Variants in INPP4A observed in about 807,000 individuals in gnomAD.
INPP4A encodes inositol polyphosphate-4-phosphatase, type I, 107kD.
INPP4A carries 33 observed loss-of-function variants against 119.8 expected under a neutral mutation model. That is an observed-to-expected ratio of 0.28 (90% confidence interval 0.21 to 0.37). INPP4A has a LOEUF of 0.37. INPP4A is among the 10% of genes least tolerant of loss of function. The pLI is 1.00. For missense variants in INPP4A, 956 were observed against 1,289.9 expected (o/e 0.74, Z 3.97); for synonymous variants, 496 against 500.7 (o/e 0.99, Z 0.12).
At chr2:98,473,257 T>C (rs1202135857) in intron 1 of INPP4A, among the ~76,000 whole-genome samples, 1 of 144,952 alleles carries the variant, frequency 6.9e-6, no homozygotes, top group African/African-American at 2.6e-5. Context: ...GTGGGTGCAG[T>C]GTAGAGTGTG....
chr2:98,573,864 C>T lies in INPP4A; in HGVS notation c.2631+937C>T, dbSNP rs565905124. On this transcript the variant is annotated intron_variant, in intron 23 of 24. Transcript: ENST00000409851. ...TGTGCTCCACTTCTGGGTTTGTTAACAGTTGTGGCTGCTGATACCATTTTG... is the reference window on the plus strand; with the variant it reads ...TGTGCTCCACTTCTGGGTTTGTTAATAGTTGTGGCTGCTGATACCATTTTG... Among the ~76,000 whole-genome samples the T allele has an allele frequency of 8.3e-4, 126 of 152,312 alleles. 1 individual carries two copies. Among genetic ancestry groups the T allele is most frequent in the African/African-American group, 2.9e-3 (121 of 41,580 alleles).
chr2:98,465,093 T>C (rs921735707), intron 1 of INPP4A, among the ~76,000 whole-genome samples: 4 of 152,196 alleles, frequency 2.6e-5, no homozygotes, highest in Non-Finnish European at 2.9e-5. Flanking sequence ...TTTAATCCCT[T>C]GTATTAGCTT....
intron 1 of INPP4A, among the ~76,000 whole-genome samples, chr2:98,450,002 G>T (rs1694946011): frequency 6.6e-6 from 1 of 151,766 alleles, no homozygotes; most frequent in Admixed American, 6.6e-5. Flanking sequence ...TTCTTGTTGG[G>T]CTGTTTTTCC....
intron 4 of INPP4A, among the ~76,000 whole-genome samples, chr2:98,529,830 G>C (rs1198438950): frequency 6.6e-6 from 1 of 152,198 alleles, no homozygotes; most frequent in Non-Finnish European, 1.5e-5. Flanking sequence ...AAGAAACGTA[G>C]TAAAAATTAA....
At chr2:98,519,862 G>A (rs751635831) in intron 2 of INPP4A, 84 bp from the exon 3 acceptor site, 27 of 589,702 alleles carry the variant, frequency 4.6e-5, no homozygotes, top group Middle Eastern at 3.3e-4. Flanking sequence ...CCTCGCCCCC[G>A]GTAGGTCACG....
In INPP4A at chr2:98,525,609, A is replaced by G. The variant is rs181883319; in HGVS notation, c.151+4878A>G. ...GAGAAAATGAATAGATGAACCACAA[A>G]CTGGAAAAAAATATTCACAACACGT... On this transcript the variant is annotated intron_variant, in intron 4 of 24. Coordinates refer to ENST00000409851, the MANE Select transcript of INPP4A (RefSeq NM_001134225.2). Among the ~76,000 whole-genome samples, 31 of 152,348 alleles carry G rather than the reference A, an allele frequency of 2.0e-4. No homozygotes were observed. The East Asian group carries it at 5.6e-3, about 27-fold the overall frequency.
At chr2:98,586,616 A>G (rs1350118843) in intron 24 of INPP4A, among the ~76,000 whole-genome samples, 1 of 152,238 alleles carries the variant, frequency 6.6e-6, no homozygotes, top group African/African-American at 2.4e-5. Flanking sequence ...CTCACTGAGT[A>G]GGTGAGGCCC....
chr2:98,464,404 C>T (rs544454335), intron 1 of INPP4A, among the ~76,000 whole-genome samples: 6 of 152,202 alleles, frequency 3.9e-5, no homozygotes, highest in Non-Finnish European at 5.9e-5. Flanking sequence ...AGAGGAAAAT[C>T]GAGAGTGGGG....
chr2:98,581,038 TG>T, intron 24 of INPP4A, among the ~76,000 whole-genome samples: 1 of 152,346 alleles, frequency 6.6e-6, no homozygotes, highest in Middle Eastern at 3.4e-3. Context: ...TGCGCTTGGT[TG>T]GTTGGTACCT....
rs775073693 is a variant in INPP4A, at chr2:98,552,808, A to G, written c.1186A>G (p.Ile396Val). ...CAGTACATCATCTGGCTGCCAGTCC[A>G]TAATCTACATACCCCAGGATGTTGT... ...KKHTSSGCQS[I>V]IYIPQDVVRA... The change falls in exon 14 of 25, where the codon ATA becomes GTA. Residue 396 changes from isoleucine to valine, a missense_variant. Around this residue, in one of 2 missense-constraint regions of INPP4A, gnomAD observed 652 missense variants for 797.9 expected, o/e 0.82. Coordinates refer to ENST00000409851, the MANE Select transcript of INPP4A (RefSeq NM_001134225.2). 5.0e-6 allele frequency: 8 copies of G among 1,613,658 alleles called. No individual in the cohort carries two copies. The South Asian group carries it at 8.8e-5, about 18-fold the overall frequency.
intron 7 of INPP4A, among the ~76,000 whole-genome samples, chr2:98,537,438 T>A (rs768720183): frequency 2.0e-5 from 3 of 152,202 alleles, no homozygotes; most frequent in African/African-American, 7.2e-5. Context: ...TGGGCTAATA[T>A]AAGCCTCAAG....
intron 13 of INPP4A, among the ~76,000 whole-genome samples, chr2:98,551,891 G>A (rs1693589557): frequency 6.6e-6 from 1 of 152,306 alleles, no homozygotes; most frequent in Non-Finnish European, 1.5e-5. Flanking sequence ...GGATTGATTG[G>A]GATCAGGCTA....
At chr2:98,501,333 C>CAAAAAAAAAAAAAAAAAAAAAA in intron 1 of INPP4A, among the ~76,000 whole-genome samples, 1 of 147,942 alleles carries the variant, frequency 6.8e-6, no homozygotes, top group Non-Finnish European at 1.5e-5. Context: ...GACTTTGTCT[C>CAAAAAAAAAAAAAAAAAAAAAA]AAAAAAAAAA....
chr2:98,498,421 G>A (rs1013155326), intron 1 of INPP4A, among the ~76,000 whole-genome samples: 4 of 151,994 alleles, frequency 2.6e-5, no homozygotes, highest in Non-Finnish European at 4.4e-5. Flanking sequence ...ACATGGAACT[G>A]AGTCCATTAA....
intron 23 of INPP4A, 25 bp from the exon 24 acceptor site, chr2:98,576,964 G>C (rs755668308): frequency 6.2e-7 from 1 of 1,602,472 alleles, no homozygotes; most frequent in East Asian, 2.2e-5. Flanking sequence ...TCGCCTCTAA[G>C]CACGGCCCAT....
chr2:98,467,702 G>A lies in INPP4A; in HGVS notation c.-166+22617G>A, dbSNP rs150573497. ...ACACTTGCATTTGATTTTCTTGTCT[G>A]TATATGCACACACAACACACACTTG... On this transcript the variant is annotated intron_variant, in intron 1 of 24. Transcript: ENST00000409851. Among the ~76,000 whole-genome samples the A allele has an allele frequency of 3.4e-3, 525 of 152,210 alleles. 7 individuals are homozygous for A. Among genetic ancestry groups the A allele is most frequent in the African/African-American group, 0.012 (485 of 41,526 alleles).
intron 17 of INPP4A, among the ~76,000 whole-genome samples, chr2:98,560,029 G>A (rs2106289826): frequency 6.6e-6 from 1 of 152,294 alleles, no homozygotes; most frequent in Middle Eastern, 3.4e-3. Context: ...TTCATGTATT[G>A]TCTGCAGCTG....
intron 1 of INPP4A, among the ~76,000 whole-genome samples, chr2:98,460,653 C>T (rs1053809190): frequency 2.0e-5 from 3 of 152,088 alleles, no homozygotes; most frequent in South Asian, 2.1e-4. Context: ...GATTGTGGGC[C>T]GCGACTTGGC....
intron 2 of INPP4A, 194 bp from the exon 3 acceptor site, chr2:98,519,752 C>A: frequency 2.5e-6 from 1 of 401,740 alleles, no homozygotes; most frequent in South Asian, 3.0e-5. Context: ...CCATGGACAC[C>A]CTGTGTTGGG....
Sources: allele counts gnomAD v4.1 joint callset (sites outside exome capture counted in the v4.1 genomes callset), GRCh38; gene constraint gnomAD v4.1.1; regional missense constraint gnomAD v4.1.1; transcripts MANE v1.5; gene names NCBI Gene and HGNC (gene_info 2026-07-23, HGNC 2026-07-21).